Variants in ZBBX observed in about 807,000 individuals in gnomAD.
ZBBX encodes zinc finger B-box domain containing, also known as zinc finger B-box domain-containing protein 1.
Under a neutral mutation model 108.5 loss-of-function variants are expected in ZBBX, and 101 were observed. The ratio of observed to expected loss-of-function variants is 0.93; its 90% CI spans 0.79 to 1.10. The LOEUF (loss-of-function observed/expected upper bound fraction) is 1.10. Among genes scored for constraint, ZBBX ranks in the 50% least tolerant of loss-of-function variants. The pLI, the probability that ZBBX is intolerant of heterozygous loss-of-function variation, is 0.00. For missense variants in ZBBX, 1,009 were observed against 941.4 expected (o/e 1.07, Z -0.94); for synonymous variants, 356 against 323.4 (o/e 1.10, Z -1.08).
chr3:167,267,192 C>A (rs552870861), intron 20 of ZBBX, among the ~76,000 whole-genome samples: 1 of 152,128 alleles, frequency 6.6e-6, no homozygotes, highest in African/African-American at 2.4e-5. Context: ...TTGGGGGTCC[C>A]GTCAGGGGTT....
chr3:167,395,205 A>C (rs1441513453), intron 1 of ZBBX, among the ~76,000 whole-genome samples: 1 of 152,092 alleles, frequency 6.6e-6, no homozygotes, highest in Non-Finnish European at 1.5e-5. Context: ...TTATAGATCA[A>C]ACTAGATGGG....
At chr3:167,254,887 T>TGAGAGA (rs1553782902) in intron 20 of ZBBX, among the ~76,000 whole-genome samples, 1 of 141,272 alleles carries the variant, frequency 7.1e-6, no homozygotes, top group African/African-American at 2.7e-5. Flanking sequence ...TGTGTGTGTG[T>TGAGAGA]GAGAGAGAGA....
intron 20 of ZBBX, among the ~76,000 whole-genome samples, chr3:167,270,599 G>C (rs913193901): frequency 1.3e-5 from 2 of 152,146 alleles, no homozygotes; most frequent in Non-Finnish European, 2.9e-5. Context: ...TCTTATCAAA[G>C]GTTTTAGACC....
intron 14 of ZBBX, among the ~76,000 whole-genome samples, chr3:167,316,416 A>G (rs1735465002): frequency 6.6e-6 from 1 of 152,226 alleles, no homozygotes; most frequent in Non-Finnish European, 1.5e-5. Context: ...CTACTATATT[A>G]CTAGAAAGTC....
intron 18 of ZBBX, among the ~76,000 whole-genome samples, chr3:167,293,393 C>T (rs548809551): frequency 7.2e-5 from 11 of 152,214 alleles, no homozygotes; most frequent in African/African-American, 1.4e-4. Context: ...GTTCAACAAA[C>T]GCAAATCAAT....
chr3:167,282,472 T>C lies in ZBBX; in HGVS notation c.2020A>G (p.Thr674Ala). 1.9e-6 allele frequency: 3 copies of C among 1,610,812 alleles called. No individual in the cohort carries two copies. The highest frequency in any genetic ancestry group is 2.5e-6 in the Non-Finnish European group (3 of 1,178,808). Residue 674 changes from threonine to alanine, a missense_variant, in exon 20 of 22, where the codon ACA becomes GCA. Coordinates refer to ENST00000675490, the MANE Select transcript of ZBBX (RefSeq NM_001199201.2). ...GAGTTGGAAAGTGGAAAATTTGCTGTTGAAGGTCTCTGTGATTTCTGACCT... is the reference window on the plus strand; with the variant it reads ...GAGTTGGAAAGTGGAAAATTTGCTGCTGAAGGTCTCTGTGATTTCTGACCT... ...KMGQKSQRPS[T>A]ANFPLSNSVK...
the ZBBX span, among the ~76,000 whole-genome samples, chr3:167,231,361 G>A: frequency 6.6e-6 from 1 of 151,774 alleles, no homozygotes; most frequent in Non-Finnish European, 1.5e-5. Context: ...AAAATCATGA[G>A]AGCGTGGTGT....
At chr3:167,187,482 T>C in the ZBBX span, among the ~76,000 whole-genome samples, 1 of 152,310 alleles carries the variant, frequency 6.6e-6, no homozygotes, top group African/African-American at 2.4e-5. Flanking sequence ...AGTAGAGAAG[T>C]GGTAATTTGT....
At chr3:167,300,291 G>C (rs923134268) in intron 17 of ZBBX, among the ~76,000 whole-genome samples, 2 of 151,930 alleles carry the variant, frequency 1.3e-5, no homozygotes, top group South Asian at 4.1e-4. Context: ...CCCCCATGAG[G>C]AAAAGGCAAG....
intron 1 of ZBBX, among the ~76,000 whole-genome samples, chr3:167,396,213 T>C (rs1748231191): frequency 1.3e-5 from 2 of 152,050 alleles, no homozygotes; most frequent in Non-Finnish European, 2.9e-5. Context: ...GCAGTGGAGC[T>C]GACTGTTGCA....
intron 8 of ZBBX, among the ~76,000 whole-genome samples, chr3:167,355,215 T>C (rs1369397569): frequency 1.3e-5 from 2 of 152,032 alleles, no homozygotes; most frequent in Non-Finnish European, 2.9e-5. Context: ...TTGCCATCAA[T>C]ATATGTAAAT....
intron 1 of ZBBX, among the ~76,000 whole-genome samples, chr3:167,396,224 G>C (rs1050548857): frequency 6.6e-6 from 1 of 152,000 alleles, no homozygotes; most frequent in Non-Finnish European, 1.5e-5. Context: ...GACTGTTGCA[G>C]GATACATTTC....
Position 167,359,889 on chromosome 3 carries a change from T to A in ZBBX, c.413A>T (p.Glu138Val). The A allele has an allele frequency of 1.3e-6, 2 of 1,549,380 alleles. No individual in the cohort carries two copies. Among genetic ancestry groups the A allele is most frequent in the Non-Finnish European group, 1.8e-6 (2 of 1,139,572 alleles). Residue 138 changes from glutamate (E) to valine (V), a missense_variant, in exon 8 of 22, where the codon GAG becomes GTG. By Grantham distance (121) the Glu-to-Val change is moderately radical. Coordinates refer to ENST00000675490, the MANE Select transcript of ZBBX (RefSeq NM_001199201.2). ...ACATACCAGTAGAGCAGCTTTGTTC[T>A]CACACTGTCCACATACTTTCCCATT... ...KINGKVCGQC[E>V]NKAALLVCLE...
intron 9 of ZBBX, among the ~76,000 whole-genome samples, chr3:167,342,197 C>T (rs945324535): frequency 6.6e-6 from 1 of 151,678 alleles, no homozygotes; most frequent in African/African-American, 2.4e-5. Context: ...ATGAACATAA[C>T]ATATAGCAAA....
chr3:167,270,266 C>T (rs1292631022), intron 20 of ZBBX, among the ~76,000 whole-genome samples: 1 of 152,132 alleles, frequency 6.6e-6, no homozygotes, highest in Non-Finnish European at 1.5e-5. Context: ...TTGAAGGCAT[C>T]GTGTATTTAC....
rs565528394 is a variant in ZBBX at position 167,368,507 on chromosome 3, GTTTC to G, written c.132_135del (p.Lys44AsnfsTer37). ...TTTCTTGTGGATCGGAATTCTTGCA[GTTTC>G]TTCTCCATCTCTTGGTTCTCAAACT... On this transcript the variant is annotated frameshift_variant, in exon 5 of 22. Coordinates refer to ENST00000675490, the MANE Select transcript of ZBBX (RefSeq NM_001199201.2). LOFTEE classifies it high-confidence loss of function. 6 of 1,612,114 alleles carry G rather than the reference GTTTC, an allele frequency of 3.7e-6. No individual in the cohort carries two copies. The highest frequency in any genetic ancestry group is 5.1e-6 in the Non-Finnish European group (6 of 1,178,882).
At chr3:167,179,101 A>G in the ZBBX span, among the ~76,000 whole-genome samples, 1 of 152,176 alleles carries the variant, frequency 6.6e-6, no homozygotes, top group African/African-American at 2.4e-5. Context: ...GACATTTAAC[A>G]CAGGCAGAAG....
At position 167,365,968 on chromosome 3, in the gene ZBBX, T is replaced by C; in HGVS notation, c.191A>G (p.Glu64Gly). The C allele has an allele frequency of 6.2e-7, 1 of 1,604,810 alleles. No individual in the cohort carries two copies. The highest frequency in any genetic ancestry group is 8.5e-7 in the Non-Finnish European group (1 of 1,173,260). Residue 64 changes from glutamate to glycine, a missense_variant, in exon 6 of 22, where the codon GAG becomes GGG. Glu to Gly is a moderately conservative substitution (Grantham distance 98, BLOSUM62 -2). Transcript: ENST00000675490. ...CACTTTTCCAGATTTCCAGTAATAC[T>C]CGCTTGACCTTTAATATATATAAAC... is the stretch of plus-strand genomic sequence containing the variant. ...NKEKEDRESS[E>G]YYWKSGKVGK...
chr3:167,247,060 C>A (rs1286731111), intron 20 of ZBBX, among the ~76,000 whole-genome samples: 1 of 152,166 alleles, frequency 6.6e-6, no homozygotes, highest in Non-Finnish European at 1.5e-5. Flanking sequence ...ACACCACAGA[C>A]CGAGGTGAGG....
Sources: gnomAD v4.1 joint callset for allele counts (sites outside exome capture counted in the v4.1 genomes callset) on GRCh38, gnomAD v4.1.1 for gene constraint, MANE v1.5 for transcripts, NCBI Gene and HGNC (gene_info 2026-07-23, HGNC 2026-07-21) for gene names.